Variants in MMP26 observed in about 807,000 individuals in gnomAD.
MMP26 encodes the protein matrix metalloproteinase-26.
Under a neutral mutation model 31.0 loss-of-function variants are expected in MMP26, and 33 were observed. The ratio of observed to expected loss-of-function variants is 1.06; its 90% CI spans 0.81 to 1.42. MMP26 has a LOEUF of 1.42. MMP26 is among the 40% of genes most tolerant of loss of function. MMP26 has a pLI of 0.00. For missense variants in MMP26, 347 were observed against 316.1 expected (o/e 1.10, Z -0.74); for synonymous variants, 122 against 114.9 (o/e 1.06, Z -0.40).
At position 4,963,636 on chromosome 11, in the gene MMP26, G is replaced by A. The variant is rs933648320; in HGVS notation, c.-144-24432G>A. On this transcript the variant is annotated intron_variant, in intron 2 of 7. Coordinates refer to ENST00000380390, the MANE Select transcript of MMP26 (RefSeq NM_021801.5). ...CTTTTTATGACGTGTTATTTACAGA[G>A]GTTCAATAAGAACCTGACTTCTTTT... Among the ~76,000 whole-genome samples the A allele has an allele frequency of 5.9e-5, 9 of 152,072 alleles. No homozygotes were observed. In the East Asian group the frequency reaches 1.7e-3, roughly 29 times the overall value.
chr11:4,854,848 C>T (rs1243359934), intron 2 of MMP26, among the ~76,000 whole-genome samples: 1 of 152,160 alleles, frequency 6.6e-6, no homozygotes, highest in South Asian at 2.1e-4. Context: ...CAGCTGGTTG[C>T]CCCTCTGAGA....
chr11:4,964,878 G>A (rs937501943), intron 2 of MMP26, among the ~76,000 whole-genome samples: 4 of 152,130 alleles, frequency 2.6e-5, no homozygotes, highest in Non-Finnish European at 4.4e-5. Flanking sequence ...GGGAACACAT[G>A]GACACATGCA....
intron 1 of MMP26, among the ~76,000 whole-genome samples, chr11:4,733,080 T>C (rs1288527199): frequency 1.3e-5 from 2 of 152,262 alleles, no homozygotes; most frequent in Non-Finnish European, 2.9e-5. Flanking sequence ...TTGATATTAG[T>C]AAGTATGCAA....
At chr11:4,900,568 C>T (rs557497354) in intron 2 of MMP26, among the ~76,000 whole-genome samples, 18 of 152,308 alleles carry the variant, frequency 1.2e-4, no homozygotes, top group African/African-American at 4.3e-4. Context: ...AATTATGCCA[C>T]CACTGAGGTT....
intron 1 of MMP26, among the ~76,000 whole-genome samples, chr11:4,762,867 A>T (rs542481585): frequency 5.7e-4 from 87 of 152,198 alleles, no homozygotes; most frequent in Non-Finnish European, 9.6e-4. Flanking sequence ...TAATAACTGT[A>T]GCTCAAAGAA....
intron 2 of MMP26, among the ~76,000 whole-genome samples, chr11:4,880,930 T>C (rs1435131404): frequency 1.3e-5 from 2 of 152,184 alleles, no homozygotes; most frequent in Non-Finnish European, 2.9e-5. Flanking sequence ...AATAGGGATG[T>C]TGACCTTTGG....
At chr11:4,816,849 G>T (rs865866153) in intron 2 of MMP26, among the ~76,000 whole-genome samples, 1 of 147,818 alleles carries the variant, frequency 6.8e-6, no homozygotes, top group African/African-American at 2.5e-5. Context: ...GACTACAGGC[G>T]CCCGCCACCA....
intron 2 of MMP26, among the ~76,000 whole-genome samples, chr11:4,935,194 C>T (rs1851416879): frequency 6.6e-6 from 1 of 151,720 alleles, no homozygotes; most frequent in African/African-American, 2.4e-5. Context: ...GATATTGATT[C>T]TTCCTACCCA....
intron 2 of MMP26, chr11:4,943,727 T>A (rs1247727785): frequency 2.8e-6 from 1 of 354,862 alleles, no homozygotes; most frequent in Non-Finnish European, 5.6e-6. Context: ...GAGTTGAGAT[T>A]TTAATCCTCC....
At chr11:4,722,714 G>A in intron 1 of MMP26, 1 of 799,432 alleles carries the variant, frequency 1.3e-6, no homozygotes, top group South Asian at 1.5e-5. Flanking sequence ...GGGGCAGGCT[G>A]GGAGGGGCTG....
chr11:4,776,121 G>T (rs1182370412), intron 2 of MMP26, among the ~76,000 whole-genome samples: 3 of 152,066 alleles, frequency 2.0e-5, no homozygotes, highest in Non-Finnish European at 4.4e-5. Context: ...TCAAAACACA[G>T]AGTTTTGTTC....
At chr11:4,829,255 T>G (rs369250700) in intron 2 of MMP26, among the ~76,000 whole-genome samples, 1 of 152,166 alleles carries the variant, frequency 6.6e-6, no homozygotes, top group African/African-American at 2.4e-5. Context: ...CATGTTATAG[T>G]ATAAGTCTGC....
At chr11:4,835,972 A>G (rs556118498) in intron 2 of MMP26, among the ~76,000 whole-genome samples, 1 of 152,238 alleles carries the variant, frequency 6.6e-6, no homozygotes, top group East Asian at 1.9e-4. Flanking sequence ...CAAAAGACAT[A>G]CATTTATAAA....
At chr11:4,723,473 G>T in intron 1 of MMP26, 1 of 1,092,336 alleles carries the variant, frequency 9.2e-7, no homozygotes. Context: ...TCCGAAATCT[G>T]GGACTGCAGC....
intron 2 of MMP26, among the ~76,000 whole-genome samples, chr11:4,909,937 T>C (rs1311872875): frequency 6.6e-6 from 1 of 152,178 alleles, no homozygotes; most frequent in African/African-American, 2.4e-5. Context: ...GTTACTTATA[T>C]CCAAACCTCG....
chr11:4,788,552 A>G (rs1047062598), intron 2 of MMP26, among the ~76,000 whole-genome samples: 3 of 152,152 alleles, frequency 2.0e-5, no homozygotes, highest in African/African-American at 7.2e-5. Flanking sequence ...CAGAAAAAAA[A>G]TAGTATCTGC....
rs1846385907 is a variant in MMP26 at position 4,952,655 on chromosome 11, T to C, written c.-144-35413T>C. Among the ~76,000 whole-genome samples the C allele has an allele frequency of 1.6e-5, 2 of 125,498 alleles. 1 individual carries two copies. The highest frequency in any genetic ancestry group is 1.8e-4 in the Admixed American group (2 of 11,254). 82.3% of individuals were successfully genotyped at this position (125,498 alleles called of 152,430 possible). The stretch of plus-strand genomic sequence containing the variant: ...TCAGAGATTAGGTTTGAATCCCAGC[T>C]TTTGATTTCCTCTCTGTGTGAGTTT... On this transcript the variant is annotated intron_variant, in intron 2 of 7. Transcript: ENST00000380390.
chr11:4,721,620 A>G (rs1423607284), intron 1 of MMP26, among the ~76,000 whole-genome samples: 1 of 152,154 alleles, frequency 6.6e-6, no homozygotes, highest in Admixed American at 6.5e-5. Flanking sequence ...AAAGACAGAG[A>G]ATATGGCATA....
At chr11:4,766,913 A>C (rs11605170) in intron 1 of MMP26, among the ~76,000 whole-genome samples, 23,301 of 151,984 alleles carry the variant, frequency 0.15, 1,918 homozygotes, top group Middle Eastern at 0.26. Flanking sequence ...ATATTACATT[A>C]TTTTACCACA....
Sources: allele counts gnomAD v4.1 joint callset (sites outside exome capture counted in the v4.1 genomes callset), GRCh38; gene constraint gnomAD v4.1.1; transcripts MANE v1.5; gene names NCBI Gene and HGNC (gene_info 2026-07-23, HGNC 2026-07-21).